The following SRC variants were observed in gnomAD, a reference collection of about 807,000 sequenced individuals.
SRC encodes the protein SRC proto-oncogene, non-receptor tyrosine kinase, also known as proto-oncogene tyrosine-protein kinase Src.
A neutral mutation model predicts 62.9 loss-of-function variants in SRC; 13 were observed. That is an observed-to-expected ratio of 0.21 (90% confidence interval 0.13 to 0.33). SRC has a LOEUF of 0.33. Ranked by LOEUF, SRC falls within the 10% of genes least tolerant of loss-of-function variation. The pLI is 1.00. For missense variants in SRC, 457 were observed against 737.3 expected (o/e 0.62, Z 4.40); for synonymous variants, 302 against 317.5 (o/e 0.95, Z 0.52).
chr20:37,396,069 C>G lies in SRC; in HGVS notation c.554-93C>G. On this transcript the variant is annotated intron_variant, in intron 7 of 13. Coordinates refer to ENST00000373578, the MANE Select transcript of SRC (RefSeq NM_198291.3). The surrounding 1 kb of genome is among the most constrained non-coding windows in gnomAD (Gnocchi z 6.1). The stretch of plus-strand genomic sequence containing the variant: ...GGGGCCCCGCCTGGGCCTCCCTTCC[C>G]TCCAATGTCAGGCAGGCACAGAACG... 1 of 1,526,944 alleles carries G rather than the reference C, an allele frequency of 6.5e-7. No individual in the cohort carries two copies. The highest frequency in any genetic ancestry group is 1.2e-5 in the South Asian group (1 of 80,750). The allele number at this position is 1,526,944 out of a possible 1,614,324, so 94.6% of individuals were successfully genotyped here.
Position 37,389,349 on chromosome 20 carries a change from C to T in SRC, c.350+3175C>T, listed in dbSNP as rs549795050. ...CTTCTTTTGGGAGTTTTCTGGCAGG[C>T]GCTTCTGGGCAACAGCGCCTCAGCT... On this transcript the variant is annotated intron_variant, in intron 5 of 13. Coordinates refer to ENST00000373578, the MANE Select transcript of SRC (RefSeq NM_198291.3). Among the ~76,000 whole-genome samples, 22 of 152,284 alleles carry T rather than the reference C, an allele frequency of 1.4e-4. 1 individual carries two copies. The East Asian group carries it at 1.7e-3, about 12-fold the overall frequency.
chr20:37,371,153 T>G (rs1192393385), intron 2 of SRC, among the ~76,000 whole-genome samples: 1 of 152,110 alleles, frequency 6.6e-6, no homozygotes, highest in Non-Finnish European at 1.5e-5. Context: ...CACGCCCGGC[T>G]AATTTTTTAT....
chr20:37,400,977 TG>T (rs543527783), intron 10 of SRC, among the ~76,000 whole-genome samples: 1 of 152,118 alleles, frequency 6.6e-6, no homozygotes, highest in African/African-American at 2.4e-5. Flanking sequence ...TGGGATGCAT[TG>T]TTTTTTTACT....
At chr20:37,386,303 G>GT (rs1410355004) in intron 5 of SRC, 129 bp downstream of exon 5, 2 of 941,106 alleles carry the variant, frequency 2.1e-6, no homozygotes, top group East Asian at 2.4e-5. Context: ...GCCCAGGGCA[G>GT]TGTGGAGGCA....
rs114249747 is a variant in SRC at position 37,390,781 on chromosome 20, A to G, written c.351-3114A>G. 6.9e-3 allele frequency among the ~76,000 whole-genome samples: 1,054 copies of G among 152,238 alleles called. 11 individuals carry two copies. Among genetic ancestry groups the G allele is most frequent in the African/African-American group, 0.023 (960 of 41,514 alleles). On this transcript the variant is annotated intron_variant, in intron 5 of 13. Transcript: ENST00000373578. ...GGAAACTGAGACTGGCGAGTGTGGT[A>G]TGGAGGGGCCAAGGTCAGACAGCCA...
chr20:37,397,889 C>T lies in SRC; in HGVS notation c.859+35C>T, dbSNP rs1568643793. ...GGCCCCTGCCCTCGGGAGAGGCATC[C>T]ACCCCCCACCCCGTGTGGCAGCTCC... is the stretch of plus-strand genomic sequence containing the variant. On this transcript the variant is annotated intron_variant, in intron 9 of 13. Transcript: ENST00000373578. This position sits in a 1 kb window ranked among gnomAD's most constrained non-coding sequence, Gnocchi z 4.1. 1.3e-6 allele frequency: 2 copies of T among 1,580,156 alleles called. No homozygotes were observed. The highest frequency in any genetic ancestry group is 1.1e-5 in the South Asian group (1 of 87,366).
At chr20:37,346,653 G>T (rs575845103) in intron 1 of SRC, among the ~76,000 whole-genome samples, 9 of 146,382 alleles carry the variant, frequency 6.1e-5, no homozygotes, top group African/African-American at 2.2e-4. Flanking sequence ...CCGGCCCTGC[G>T]CCCCCCGGCC....
chr20:37,385,051 T>C (rs1600998209), intron 4 of SRC, among the ~76,000 whole-genome samples: 1 of 152,078 alleles, frequency 6.6e-6, no homozygotes, highest in East Asian at 1.9e-4. Flanking sequence ...GGAGGCAGGG[T>C]CACAGACACC....
Position 37,403,104 on chromosome 20 carries a change from C to T in SRC, c.1403-67C>T. On this transcript the variant is annotated intron_variant, in intron 13 of 13. Coordinates refer to ENST00000373578, the MANE Select transcript of SRC (RefSeq NM_198291.3). This position sits in a 1 kb window ranked among gnomAD's most constrained non-coding sequence, Gnocchi z 7.1. ...AGGCAGGAAGCCCTCGCTGCCCTCCCCATCAGCTTCCCCCACCCCACTTTC... is the reference window on the plus strand; with the variant it reads ...AGGCAGGAAGCCCTCGCTGCCCTCCTCATCAGCTTCCCCCACCCCACTTTC... The T allele has an allele frequency of 1.4e-6, 2 of 1,452,916 alleles. No individual in the cohort carries two copies. Among genetic ancestry groups the T allele is most frequent in the African/African-American group, 1.4e-5 (1 of 71,532 alleles). The allele number at this position is 1,452,916 out of a possible 1,614,324, so 90.0% of individuals were successfully genotyped here. A position where few individuals can be genotyped will look rare whatever the true frequency, so the allele number is the denominator to read the frequency against.
chr20:37,376,268 C>T (rs1411550325), intron 2 of SRC, among the ~76,000 whole-genome samples: 1 of 152,210 alleles, frequency 6.6e-6, no homozygotes, highest in Non-Finnish European at 1.5e-5. Flanking sequence ...AAAGTGACTG[C>T]AAAAGAGGGC....
chr20:37,370,611 C>T lies in SRC; in HGVS notation c.-173+5334C>T, dbSNP rs192597215. Among the ~76,000 whole-genome samples, 352 of 152,298 alleles carry T rather than the reference C, an allele frequency of 2.3e-3. 1 individual carries two copies. The highest frequency in any genetic ancestry group is 4.5e-3 in the Non-Finnish European group (304 of 68,026). On this transcript the variant is annotated intron_variant, in intron 2 of 13. Transcript: ENST00000373578. Reference sequence around the variant, plus strand: ...TAAACCGACTTTATATTCCTGACATCGGTCTTACTTGGTCATGGCATCTAA... The same window carrying T: ...TAAACCGACTTTATATTCCTGACATTGGTCTTACTTGGTCATGGCATCTAA...
chr20:37,370,432 G>A (rs914205561), intron 2 of SRC, among the ~76,000 whole-genome samples: 3 of 152,150 alleles, frequency 2.0e-5, no homozygotes, highest in Admixed American at 6.5e-5. Flanking sequence ...AAAATTAGCC[G>A]GCTGTGCTGG....
At chr20:37,362,635 C>T (rs1361466076) in intron 1 of SRC, among the ~76,000 whole-genome samples, 1 of 150,486 alleles carries the variant, frequency 6.6e-6, no homozygotes, top group African/African-American at 2.4e-5. Flanking sequence ...ACGAAAGCTC[C>T]TGGGGGTTGA....
intron 2 of SRC, among the ~76,000 whole-genome samples, chr20:37,378,048 G>GT (rs200072738): frequency 2.1e-5 from 3 of 144,764 alleles, no homozygotes; most frequent in African/African-American, 7.7e-5. Flanking sequence ...TACTCTTTTA[G>GT]TTTTTTTTAA....
Position 37,348,778 on chromosome 20 carries a change from G to A in SRC, c.-247+2523G>A, listed in dbSNP as rs73297345. Among the ~76,000 whole-genome samples the A allele has an allele frequency of 6.9e-3, 1,056 of 152,282 alleles. 16 individuals carry two copies. Among genetic ancestry groups the A allele is most frequent in the African/African-American group, 0.024 (1,008 of 41,528 alleles). On this transcript the variant is annotated intron_variant, in intron 1 of 13. Coordinates refer to ENST00000373578, the MANE Select transcript of SRC (RefSeq NM_198291.3). ...CCAGTTGAGTTACTATATAATCACA[G>A]ATATGATAAGGACTCAGGGAGAGAG...
chr20:37,394,037 C>A, intron 6 of SRC, 44 bp downstream of exon 6: 1 of 1,592,350 alleles, frequency 6.3e-7, no homozygotes. Flanking sequence ...TCCCTGGACA[C>A]TGCCGGTGCA....
chr20:37,396,073 A>G lies in SRC; in HGVS notation c.554-89A>G. 4 of 1,530,328 alleles carry G rather than the reference A, an allele frequency of 2.6e-6. No homozygotes were observed. Among genetic ancestry groups the G allele is most frequent in the Non-Finnish European group, 3.5e-6 (4 of 1,137,460 alleles). 94.8% of individuals were successfully genotyped at this position (1,530,328 alleles called of 1,614,324 possible). On this transcript the variant is annotated intron_variant, in intron 7 of 13. Coordinates refer to ENST00000373578, the MANE Select transcript of SRC (RefSeq NM_198291.3). The surrounding 1 kb of genome is among the most constrained non-coding windows in gnomAD (Gnocchi z 6.1). The stretch of plus-strand genomic sequence containing the variant: ...CCCCGCCTGGGCCTCCCTTCCCTCC[A>G]ATGTCAGGCAGGCACAGAACGGTGT...
chr20:37,358,902 C>T (rs12480646), intron 1 of SRC, among the ~76,000 whole-genome samples: 2,990 of 152,368 alleles, frequency 0.02, 187 homozygotes, highest in Admixed American at 0.13. Context: ...TGAGCATGTT[C>T]GCGCCGCGGA....
intron 2 of SRC, among the ~76,000 whole-genome samples, chr20:37,368,701 C>T (rs1334259175): frequency 5.3e-5 from 8 of 150,144 alleles, no homozygotes; most frequent in Non-Finnish European, 8.9e-5. Flanking sequence ...TACAGGCGCC[C>T]GCCACTACGC....
Sources: allele counts gnomAD v4.1 joint callset (sites outside exome capture counted in the v4.1 genomes callset), GRCh38; gene constraint gnomAD v4.1.1; non-coding constraint Gnocchi (gnomAD v3.1); transcripts MANE v1.5; gene names NCBI Gene and HGNC (gene_info 2026-07-23, HGNC 2026-07-21).